The following EPHA3 variants were observed in gnomAD, a reference collection of about 807,000 sequenced individuals.
EPHA3 encodes the protein ephrin type-A receptor 3.
In EPHA3, 42 loss-of-function variants were observed where a neutral mutation model predicts 107.1. The observed-to-expected ratio is 0.39, with a 90% confidence interval of 0.31 to 0.51. The LOEUF (loss-of-function observed/expected upper bound fraction) is 0.51. Among genes scored for constraint, EPHA3 ranks in the 20% least tolerant of loss-of-function variants. EPHA3 has a pLI of 0.78. For synonymous variants in EPHA3, 461 were observed against 424.8 expected (o/e 1.09, Z -1.05); for missense variants, 1,183 against 1,211.2 (o/e 0.98, Z 0.35).
At chr3:89,327,687 T>G (rs2107391742) in intron 3 of EPHA3, among the ~76,000 whole-genome samples, 1 of 152,274 alleles carries the variant, frequency 6.6e-6, no homozygotes, top group South Asian at 2.1e-4. Flanking sequence ...TTAGGCATCT[T>G]TTCTGAAGTG....
At chr3:89,218,936 T>A (rs1374401482) in intron 3 of EPHA3, among the ~76,000 whole-genome samples, 3 of 152,074 alleles carry the variant, frequency 2.0e-5, no homozygotes, top group Non-Finnish European at 4.4e-5. Context: ...TCCTCAGGGA[T>A]CTAGAACTAG....
At chr3:89,429,280 A>G in intron 12 of EPHA3, 113 bp downstream of exon 12, 1 of 755,058 alleles carries the variant, frequency 1.3e-6, no homozygotes. Context: ...GTAAAACTGA[A>G]ATCTTCTGAG....
At chr3:89,110,655 A>G (rs1707081473) in intron 1 of EPHA3, among the ~76,000 whole-genome samples, 1 of 151,988 alleles carries the variant, frequency 6.6e-6, no homozygotes, top group African/African-American at 2.4e-5. Context: ...ATGGCTTAAG[A>G]AAAGACTTTT....
chr3:89,351,816 A>T (rs1355771497), intron 5 of EPHA3, among the ~76,000 whole-genome samples: 3 of 150,792 alleles, frequency 2.0e-5, no homozygotes, highest in African/African-American at 7.3e-5. Flanking sequence ...AAACAAATTG[A>T]TGTTCTGTTT....
At chr3:89,239,369 A>T (rs756387416) in intron 3 of EPHA3, among the ~76,000 whole-genome samples, 57 of 152,166 alleles carry the variant, frequency 3.7e-4, no homozygotes, top group Non-Finnish European at 7.9e-4. Context: ...TAATTTGGAT[A>T]ATTCCTCTAA....
At chr3:89,225,875 C>A (rs1704489543) in intron 3 of EPHA3, among the ~76,000 whole-genome samples, 1 of 152,122 alleles carries the variant, frequency 6.6e-6, no homozygotes, top group African/African-American at 2.4e-5. Flanking sequence ...TGATAACATA[C>A]ACACGTGTTC....
At chr3:89,409,838 C>A (rs921014701) in intron 9 of EPHA3, among the ~76,000 whole-genome samples, 1 of 152,074 alleles carries the variant, frequency 6.6e-6, no homozygotes, top group Non-Finnish European at 1.5e-5. Flanking sequence ...AAGATCCTGT[C>A]CCCTTGCCCT....
chr3:89,159,211 C>T (rs1704868493), intron 2 of EPHA3, among the ~76,000 whole-genome samples: 1 of 152,058 alleles, frequency 6.6e-6, no homozygotes, highest in African/African-American at 2.4e-5. Flanking sequence ...ATTTCTATAG[C>T]CCTGATTATT....
intron 2 of EPHA3, among the ~76,000 whole-genome samples, chr3:89,143,676 A>C (rs1704478194): frequency 1.3e-5 from 2 of 151,544 alleles, no homozygotes; most frequent in East Asian, 3.9e-4. Context: ...CATAATGTTA[A>C]ATCTTACATA....
chr3:89,370,418 A>G (rs1374187938), intron 5 of EPHA3, among the ~76,000 whole-genome samples: 1 of 151,852 alleles, frequency 6.6e-6, no homozygotes, highest in African/African-American at 2.4e-5. Context: ...CAAAAAACCA[A>G]ACACCGCATG....
chr3:89,426,529 C>T (rs185750242), intron 11 of EPHA3, among the ~76,000 whole-genome samples: 1 of 151,850 alleles, frequency 6.6e-6, no homozygotes, highest in Admixed American at 6.6e-5. Context: ...TAAATGCACG[C>T]TGATGTGATT....
intron 3 of EPHA3, among the ~76,000 whole-genome samples, chr3:89,272,852 T>A (rs1705709237): frequency 6.6e-6 from 1 of 151,906 alleles, no homozygotes; most frequent in African/African-American, 2.4e-5. Flanking sequence ...GGATTTAAAG[T>A]AAACGTAAAT....
At chr3:89,288,025 AT>A (rs982704975) in intron 3 of EPHA3, among the ~76,000 whole-genome samples, 24 of 151,952 alleles carry the variant, frequency 1.6e-4, no homozygotes, top group African/African-American at 4.8e-4. Flanking sequence ...ACCAGAATTT[AT>A]TTTTTTTGGA....
Position 89,480,409 on chromosome 3 carries a change from C to T in EPHA3, c.*907C>T, listed in dbSNP as rs1164863028. On this transcript the variant is annotated 3_prime_UTR_variant, in exon 17 of 17. Coordinates refer to ENST00000336596, the MANE Select transcript of EPHA3 (RefSeq NM_005233.6). ...CTCCGTTTATTATAAACTGTATGCT[C>T]ACAACTTAGTGTAATATACCAGCTT... 1 of 233,144 alleles carries T rather than the reference C, an allele frequency of 4.3e-6. No homozygotes were observed. Among genetic ancestry groups the T allele is most frequent in the Non-Finnish European group, 8.5e-6 (1 of 117,844 alleles). The allele number at this position is 233,144 out of a possible 1,614,324, so 14.4% of individuals were successfully genotyped here. A position where few individuals can be genotyped will look rare whatever the true frequency, so the allele number is the denominator to read the frequency against.
intron 2 of EPHA3, among the ~76,000 whole-genome samples, chr3:89,147,355 C>T (rs1704585153): frequency 1.3e-5 from 2 of 151,626 alleles, no homozygotes; most frequent in Admixed American, 6.6e-5. Flanking sequence ...GAAAAAAAAG[C>T]CACAGAGTGC....
At chr3:89,108,449 T>C (rs1168147050) in intron 1 of EPHA3, among the ~76,000 whole-genome samples, 1 of 152,194 alleles carries the variant, frequency 6.6e-6, no homozygotes, top group Non-Finnish European at 1.5e-5. Flanking sequence ...ACGTAAGTAA[T>C]ATTTGCAAGA....
intron 15 of EPHA3, among the ~76,000 whole-genome samples, chr3:89,469,110 C>G (rs1329357813): frequency 6.6e-6 from 1 of 152,028 alleles, no homozygotes; most frequent in Non-Finnish European, 1.5e-5. Flanking sequence ...TAAAACTAAA[C>G]TATATCAGAG....
At chr3:89,137,726 T>C (rs1386519236) in intron 2 of EPHA3, among the ~76,000 whole-genome samples, 1 of 152,010 alleles carries the variant, frequency 6.6e-6, no homozygotes, top group Non-Finnish European at 1.5e-5. Flanking sequence ...TTCATCTCCA[T>C]TGCATGTGAC....
At chr3:89,469,341 T>G (rs1710355989) in intron 15 of EPHA3, among the ~76,000 whole-genome samples, 1 of 151,798 alleles carries the variant, frequency 6.6e-6, no homozygotes, top group Non-Finnish European at 1.5e-5. Context: ...AATGTTGCAA[T>G]TTTTTTTTCC....
Sources: gnomAD v4.1 joint callset for allele counts (sites outside exome capture counted in the v4.1 genomes callset) on GRCh38, gnomAD v4.1.1 for gene constraint, MANE v1.5 for transcripts, NCBI Gene and HGNC (gene_info 2026-07-23, HGNC 2026-07-21) for gene names.